The following FAM171A1 variants were observed in gnomAD, a reference collection of about 807,000 sequenced individuals.
The protein encoded by FAM171A1 is protein FAM171A1.
In FAM171A1, 23 loss-of-function variants were observed where a neutral mutation model predicts 74.9. That is an observed-to-expected ratio of 0.31 (90% CI 0.22 to 0.44). FAM171A1 has a LOEUF of 0.44. Among genes scored for constraint, FAM171A1 ranks in the 20% least tolerant of loss-of-function variants. FAM171A1 has a pLI of 1.00. For synonymous variants in FAM171A1, 527 were observed against 505.7 expected, an observed-to-expected ratio of 1.04 and a Z score of -0.57; for missense variants, 1,162 against 1,159.2, an observed-to-expected ratio of 1.00 and a Z score of -0.03.
At chr10:15,276,672 T>C (rs118128957) in intron 2 of FAM171A1, among the ~76,000 whole-genome samples, 4,299 of 152,286 alleles carry the variant, frequency 0.028, 84 homozygotes, top group Middle Eastern at 0.058. Flanking sequence ...AATAACATGA[T>C]AGAAATTGTG....
chr10:15,275,455 T>C (rs1834881196), intron 3 of FAM171A1, among the ~76,000 whole-genome samples: 1 of 151,544 alleles, frequency 6.6e-6, no homozygotes, highest in South Asian at 2.1e-4. Flanking sequence ...CCTGGCTAAA[T>C]ATTTTTTTTT....
chr10:15,213,940 T>G lies in FAM171A1; in HGVS notation c.1648A>C (p.Arg550=). ...CCGGGCCGTGGGAAGGACGTAGGTC[T>G]CTCGAGGTGATCTACTGATCGCGAC... ...MMSRSVDHLE[R]PTSFPRPGQL... The change falls in exon 8 of 8, where the codon AGA becomes CGA. Residue 550 remains arginine, a synonymous_variant. Transcript: ENST00000378116. The surrounding 1 kb of genome is among the most constrained non-coding windows in gnomAD (Gnocchi z 6.8). 6.2e-7 allele frequency: 1 copy of G among 1,614,152 alleles called. No individual in the cohort carries two copies. The highest frequency in any genetic ancestry group is 2.2e-5 in the East Asian group (1 of 44,872).
At chr10:15,239,751 T>G (rs1177140790) in intron 5 of FAM171A1, among the ~76,000 whole-genome samples, 1 of 152,234 alleles carries the variant, frequency 6.6e-6, no homozygotes, top group Non-Finnish European at 1.5e-5. Context: ...AATCACAGCA[T>G]TTTAACAAAA....
chr10:15,304,949 G>T (rs1835275721), intron 1 of FAM171A1, among the ~76,000 whole-genome samples: 1 of 152,034 alleles, frequency 6.6e-6, no homozygotes, highest in Non-Finnish European at 1.5e-5. Flanking sequence ...GGTCATGCTG[G>T]TCTCAAACTC....
chr10:15,296,279 T>A (rs1464010142), intron 1 of FAM171A1, among the ~76,000 whole-genome samples: 2 of 152,094 alleles, frequency 1.3e-5, no homozygotes, highest in Non-Finnish European at 2.9e-5. Context: ...AATCATGTCA[T>A]CCAAGGAAAT....
chr10:15,285,461 A>C (rs1053364134), intron 1 of FAM171A1, among the ~76,000 whole-genome samples: 2 of 152,206 alleles, frequency 1.3e-5, no homozygotes, highest in Admixed American at 6.5e-5. Context: ...GGAAGAGGCA[A>C]GGCTGGAGAA....
intron 5 of FAM171A1, among the ~76,000 whole-genome samples, chr10:15,245,608 A>G (rs1834422633): frequency 6.6e-6 from 1 of 152,264 alleles, no homozygotes; most frequent in Non-Finnish European, 1.5e-5. Flanking sequence ...GGAAGAAACT[A>G]GATCAGAAAG....
intron 1 of FAM171A1, among the ~76,000 whole-genome samples, chr10:15,335,087 C>T (rs1835685104): frequency 6.6e-6 from 1 of 152,036 alleles, no homozygotes; most frequent in Admixed American, 6.6e-5. Flanking sequence ...ACAAAATATA[C>T]AAAAATCAGC....
At chr10:15,347,873 A>G (rs1835835074) in intron 1 of FAM171A1, among the ~76,000 whole-genome samples, 1 of 151,708 alleles carries the variant, frequency 6.6e-6, no homozygotes, top group Non-Finnish European at 1.5e-5. Context: ...AAGAAAAGAA[A>G]AAGCTGCAGA....
chr10:15,341,810 AG>A (rs1213277046), intron 1 of FAM171A1, among the ~76,000 whole-genome samples: 1 of 152,186 alleles, frequency 6.6e-6, no homozygotes, highest in East Asian at 1.9e-4. Context: ...AAAGACAAAG[AG>A]GTGGGACATC....
At chr10:15,226,503 C>T (rs1343532833) in intron 5 of FAM171A1, among the ~76,000 whole-genome samples, 1 of 152,092 alleles carries the variant, frequency 6.6e-6, no homozygotes, top group African/African-American at 2.4e-5. Context: ...AAGAGACGTC[C>T]CCCCAATCCC....
intron 5 of FAM171A1, among the ~76,000 whole-genome samples, chr10:15,247,242 G>T (rs1033964197): frequency 3.3e-5 from 5 of 152,170 alleles, no homozygotes; most frequent in African/African-American, 1.2e-4. Flanking sequence ...TGTTCATGCT[G>T]TACAAATGTA....
intron 3 of FAM171A1, among the ~76,000 whole-genome samples, chr10:15,274,283 C>T (rs1834864946): frequency 6.6e-6 from 1 of 152,140 alleles, no homozygotes; most frequent in South Asian, 2.1e-4. Context: ...CTCCCATTCA[C>T]AATTGCTACA....
intron 1 of FAM171A1, 37 bp downstream of exon 1, chr10:15,370,919 C>G: frequency 5.9e-6 from 6 of 1,014,070 alleles, no homozygotes; most frequent in Non-Finnish European, 7.2e-6. Context: ...AGGCCCGGCG[C>G]GACACAAAGC....
At position 15,308,228 on chromosome 10, in the gene FAM171A1, T is replaced by G. The variant is rs549506547; in HGVS notation, c.98-24123A>C. 1.6e-4 allele frequency among the ~76,000 whole-genome samples: 24 copies of G among 152,294 alleles called. No individual in the cohort carries two copies. In the East Asian group the frequency reaches 4.4e-3, roughly 28 times the overall value. On this transcript the variant is annotated intron_variant, in intron 1 of 7. Transcript: ENST00000378116. ...ACAATCTAACTGCAACACATTATAC[T>G]CTACTTGCAAGTATACAATCAGAGT...
chr10:15,247,826 A>G lies in FAM171A1; in HGVS notation c.754+813T>C, dbSNP rs114737348. ...TCATTTGCTCAGGGGAAAGCAAACT[A>G]CCGTGTAGTAAGCAGCTCTATGGAG... On this transcript the variant is annotated intron_variant, in intron 5 of 7. Transcript: ENST00000378116. 2.7e-3 allele frequency among the ~76,000 whole-genome samples: 404 copies of G among 152,254 alleles called. 4 individuals are homozygous for G. Among genetic ancestry groups the G allele is most frequent in the African/African-American group, 9.4e-3 (391 of 41,558 alleles).
chr10:15,351,567 C>CGATGGATGGATAGATG (rs1835877246), intron 1 of FAM171A1, among the ~76,000 whole-genome samples: 1 of 146,350 alleles, frequency 6.8e-6, no homozygotes, highest in Non-Finnish European at 1.5e-5. Context: ...AAAGTAGGGA[C>CGATGGATGGATAGATG]GATGGATGGA....
intron 5 of FAM171A1, among the ~76,000 whole-genome samples, chr10:15,229,780 C>T (rs12784158): frequency 0.18 from 2,163 of 12,178 alleles, 71 homozygotes; most frequent in Admixed American, 0.24. Flanking sequence ...ACCATCATCA[C>T]CATCACCACC....
At chr10:15,328,100 CA>C (rs57966314) in intron 1 of FAM171A1, among the ~76,000 whole-genome samples, 46,060 of 141,396 alleles carry the variant, frequency 0.33, 8,495 homozygotes, top group East Asian at 0.68. Flanking sequence ...AAAAACAAAC[CA>C]AAAAAAAAAA....
Sources: gnomAD v4.1 joint callset for allele counts (sites outside exome capture counted in the v4.1 genomes callset) on GRCh38, gnomAD v4.1.1 for gene constraint, Gnocchi (gnomAD v3.1) non-coding constraint, MANE v1.5 for transcripts, NCBI Gene and HGNC (gene_info 2026-07-23, HGNC 2026-07-21) for gene names.